The following STXBP4 variants were observed in gnomAD, a reference collection of about 807,000 sequenced individuals.
STXBP4 encodes the protein syntaxin-binding protein 4.
STXBP4 carries 55 observed loss-of-function variants against 76.1 expected under a neutral mutation model. That is an observed-to-expected ratio of 0.72 (90% CI 0.58 to 0.91). The LOEUF (loss-of-function observed/expected upper bound fraction) is 0.91, where lower values mean the gene tolerates loss of function less well. Among genes scored for constraint, STXBP4 ranks in the 40% least tolerant of loss-of-function variants. The pLI, the probability that STXBP4 is intolerant of heterozygous loss-of-function variation, is 0.00. For synonymous variants in STXBP4, 201 were observed against 220.2 expected (o/e 0.91, Z 0.77); for missense variants, 618 against 636.9 (o/e 0.97, Z 0.32).
At chr17:55,148,969 G>A (rs1181323333) in intron 17 of STXBP4, among the ~76,000 whole-genome samples, 1 of 152,158 alleles carries the variant, frequency 6.6e-6, no homozygotes, top group Non-Finnish European at 1.5e-5. Flanking sequence ...TGGATGAGGT[G>A]TCAGGGCAAT....
chr17:55,213,129 G>A, the STXBP4 span, among the ~76,000 whole-genome samples: 2 of 152,208 alleles, frequency 1.3e-5, no homozygotes, highest in Non-Finnish European at 2.9e-5. Context: ...GCGGTGGTTG[G>A]GAAGAAACTG....
chr17:55,185,242 T>C, the STXBP4 span, among the ~76,000 whole-genome samples: 23 of 50,380 alleles, frequency 4.6e-4, no homozygotes, highest in African/African-American at 1.4e-3. Flanking sequence ...TTCTTCTTCT[T>C]CTTCTTCTCC....
At chr17:55,187,815 T>TA in the STXBP4 span, among the ~76,000 whole-genome samples, 4 of 152,246 alleles carry the variant, frequency 2.6e-5, no homozygotes, top group South Asian at 2.1e-4. Context: ...CTCAGAGAAA[T>TA]AAACCTTTCA....
chr17:55,046,372 A>G (rs2078788392), intron 11 of STXBP4, among the ~76,000 whole-genome samples: 1 of 151,936 alleles, frequency 6.6e-6, no homozygotes, highest in Admixed American at 6.6e-5. Context: ...AAACATTGTA[A>G]TATTGCCATG....
At chr17:55,013,106 G>T (rs2078142923) in intron 8 of STXBP4, among the ~76,000 whole-genome samples, 1 of 152,188 alleles carries the variant, frequency 6.6e-6, no homozygotes, top group Non-Finnish European at 1.5e-5. Context: ...AACTGCTTCA[G>T]ATACTAAAAC....
chr17:55,045,746 A>G (rs2078776829), intron 11 of STXBP4, among the ~76,000 whole-genome samples: 1 of 152,120 alleles, frequency 6.6e-6, no homozygotes, highest in Non-Finnish European at 1.5e-5. Flanking sequence ...AATTCCAGAT[A>G]AAACAAATTT....
intron 17 of STXBP4, among the ~76,000 whole-genome samples, chr17:55,151,137 TG>T (rs2080211887): frequency 6.6e-6 from 1 of 152,202 alleles, no homozygotes; most frequent in Non-Finnish European, 1.5e-5. Context: ...GTGGGACTTC[TG>T]AATTACACAA....
the STXBP4 span, among the ~76,000 whole-genome samples, chr17:55,183,350 C>A: frequency 7.9e-5 from 12 of 152,156 alleles, no homozygotes; most frequent in Non-Finnish European, 1.5e-4. Context: ...CTTTAGGAGG[C>A]TGAGGTGGGA....
chr17:55,007,286 A>G (rs1347889363), intron 7 of STXBP4, among the ~76,000 whole-genome samples: 1 of 151,694 alleles, frequency 6.6e-6, no homozygotes, highest in Non-Finnish European at 1.5e-5. Flanking sequence ...TTGAGCCAAG[A>G]TCGTGCTACT....
At chr17:55,177,760 A>G (rs1056230735), downstream of STXBP4, among the ~76,000 whole-genome samples, 4 of 152,266 alleles carry the variant, frequency 2.6e-5, no homozygotes, top group African/African-American at 9.6e-5. Context: ...AACTAAATCA[A>G]TGCCATATGC....
Position 55,170,043 on chromosome 17 carries a change from G to T in STXBP4, c.*10132G>T, listed in dbSNP as rs1011203559. 1.3e-5 allele frequency: 2 copies of T among 152,112 alleles called. No homozygotes were observed. The highest frequency in any genetic ancestry group is 2.4e-5 in the African/African-American group (1 of 41,416). The allele number at this position is 152,112 out of a possible 1,614,324, so 9.4% of individuals were successfully genotyped here. A position where few individuals can be genotyped will look rare whatever the true frequency, so the allele number is the denominator to read the frequency against. ...AAACACAGTAATTATGTTAGTGCAG[G>T]TACATGACATAGATATCCTCAAATA... On this transcript the variant is annotated 3_prime_UTR_variant, in exon 18 of 18. Transcript: ENST00000376352.
At position 55,079,379 on chromosome 17, in the gene STXBP4, A is replaced by C. The variant is rs117706992; in HGVS notation, c.1355+644A>C. 3.1e-3 allele frequency among the ~76,000 whole-genome samples: 478 copies of C among 152,250 alleles called. 12 individuals are homozygous for C. Among genetic ancestry groups the C allele is most frequent in the East Asian group, 0.025 (131 of 5,182 alleles). On this transcript the variant is annotated intron_variant, in intron 15 of 17. Transcript: ENST00000376352. ...AAGATTCTTGTTTATGCATTTCCAA[A>C]GTAATTTTTTTCTGCTCTCATAATA...
At chr17:55,153,321 C>T (rs1044437115) in intron 17 of STXBP4, among the ~76,000 whole-genome samples, 1 of 152,150 alleles carries the variant, frequency 6.6e-6, no homozygotes, top group Non-Finnish European at 1.5e-5. Context: ...GAAGGCTTTT[C>T]TTTGTAACAC....
Position 54,998,705 on chromosome 17 carries a change from G to A in STXBP4, c.181-640G>A, listed in dbSNP as rs532633558. Among the ~76,000 whole-genome samples the A allele has an allele frequency of 2.0e-5, 3 of 152,284 alleles. No individual in the cohort carries two copies. In the South Asian group the frequency reaches 6.2e-4, roughly 32 times the overall value. ...AGGATCAATATAATTAAAATCCTTG[G>A]CCAGGCGCAGTGGCTCACACCTGTA... On this transcript the variant is annotated intron_variant, in intron 4 of 17. Coordinates refer to ENST00000376352, the MANE Select transcript of STXBP4 (RefSeq NM_178509.6).
intron 1 of STXBP4, among the ~76,000 whole-genome samples, chr17:54,978,163 A>G (rs1341276265): frequency 6.6e-6 from 1 of 152,210 alleles, no homozygotes; most frequent in Non-Finnish European, 1.5e-5. Context: ...TAAGCCTGCC[A>G]TAAAATTTTT....
chr17:55,180,637 CAG>C, the STXBP4 span, among the ~76,000 whole-genome samples: 1 of 152,200 alleles, frequency 6.6e-6, no homozygotes, highest in African/African-American at 2.4e-5. Context: ...TCATTTGAAA[CAG>C]AATCAGAATT....
intron 8 of STXBP4, among the ~76,000 whole-genome samples, chr17:55,014,323 T>C (rs1040047224): frequency 3.9e-5 from 6 of 152,170 alleles, no homozygotes; most frequent in African/African-American, 1.2e-4. Flanking sequence ...CCTTCTCCTA[T>C]GTTCAGGTGT....
chr17:55,150,562 A>G (rs1171455490), intron 17 of STXBP4, among the ~76,000 whole-genome samples: 9 of 152,232 alleles, frequency 5.9e-5, no homozygotes, highest in Non-Finnish European at 1.0e-4. Flanking sequence ...CCCAAAAATT[A>G]CATTTCATAA....
chr17:55,014,317 C>T (rs544281573), intron 8 of STXBP4, among the ~76,000 whole-genome samples: 1 of 152,274 alleles, frequency 6.6e-6, no homozygotes, highest in East Asian at 1.9e-4. Context: ...GGTGTTCCTT[C>T]TCCTATGTTC....
Sources: allele counts gnomAD v4.1 joint callset (sites outside exome capture counted in the v4.1 genomes callset), GRCh38; gene constraint gnomAD v4.1.1; transcripts MANE v1.5; gene names NCBI Gene and HGNC (gene_info 2026-07-23, HGNC 2026-07-21).